Variants in SH3GL2 observed in about 807,000 individuals in gnomAD.
SH3GL2 encodes SH3 domain containing GRB2 like 2, endophilin A1, also known as endophilin-A1.
In SH3GL2, 24 loss-of-function variants were observed where a neutral mutation model predicts 46.0. The ratio of observed to expected loss-of-function variants is 0.52; its 90% CI spans 0.38 to 0.73. SH3GL2 has a LOEUF of 0.73. Ranked by LOEUF, SH3GL2 falls within the 30% of genes least tolerant of loss-of-function variation. The pLI, the probability that SH3GL2 is intolerant of heterozygous loss-of-function variation, is 0.00. For missense variants in SH3GL2, 413 were observed against 424.2 expected (o/e 0.97, Z 0.23); for synonymous variants, 196 against 147.1 (o/e 1.33, Z -2.40).
Position 17,790,408 on chromosome 9 carries a change from G to T in SH3GL2, c.625-823G>T, listed in dbSNP as rs138303406. On this transcript the variant is annotated intron_variant, in intron 6 of 8. Transcript: ENST00000380607. ...CACATTGCCTACTTGCCTTACTCCT[G>T]ACTGTGGCAGGGGAAGTGTGTTGAA... 5.1e-6 allele frequency: 5 copies of T among 984,062 alleles called. No individual in the cohort carries two copies. The East Asian group carries it at 5.7e-4, about 112-fold the overall frequency. 61.0% of individuals were successfully genotyped at this position (984,062 alleles called of 1,614,324 possible). A position where few individuals can be genotyped will look rare whatever the true frequency, so the allele number is the denominator to read the frequency against.
At chr9:17,723,957 G>A (rs892963033) in intron 1 of SH3GL2, among the ~76,000 whole-genome samples, 8 of 152,064 alleles carry the variant, frequency 5.3e-5, no homozygotes, top group Non-Finnish European at 8.8e-5. Context: ...GAAGTGTCTG[G>A]TGTGGTTCTC....
At chr9:17,654,132 C>T (rs1820016156) in intron 1 of SH3GL2, among the ~76,000 whole-genome samples, 1 of 152,096 alleles carries the variant, frequency 6.6e-6, no homozygotes, top group South Asian at 2.1e-4. Flanking sequence ...AATCTGGAGT[C>T]AGATGATCAT....
At chr9:17,636,364 A>G (rs1254786617) in intron 1 of SH3GL2, among the ~76,000 whole-genome samples, 1 of 152,164 alleles carries the variant, frequency 6.6e-6, no homozygotes, top group Non-Finnish European at 1.5e-5. Context: ...CATTTATCCC[A>G]CACCCAAAAC....
intron 5 of SH3GL2, among the ~76,000 whole-genome samples, chr9:17,788,401 G>C (rs1363963898): frequency 2.0e-5 from 3 of 151,994 alleles, no homozygotes; most frequent in Non-Finnish European, 4.4e-5. Context: ...TGCAGTGTGA[G>C]GGAAGGTTTA....
At chr9:17,793,663 G>A (rs9406735) in intron 8 of SH3GL2, among the ~76,000 whole-genome samples, 166 bp downstream of exon 8, 2,970 of 152,272 alleles carry the variant, frequency 0.02, 92 homozygotes, top group African/African-American at 0.068. Flanking sequence ...GAATCCTTTT[G>A]TCTTTTTTTC....
chr9:17,779,368 C>T (rs9407868), intron 3 of SH3GL2, among the ~76,000 whole-genome samples: 17,719 of 152,096 alleles, frequency 0.12, 1,146 homozygotes, highest in Admixed American at 0.15. Flanking sequence ...GGAAATTTGA[C>T]GGAATGGGAA....
chr9:17,698,991 C>G (rs967724833), intron 1 of SH3GL2, among the ~76,000 whole-genome samples: 2 of 151,750 alleles, frequency 1.3e-5, no homozygotes, highest in African/African-American at 4.8e-5. Context: ...CCCGTCTCTA[C>G]TAAAATACAA....
chr9:17,639,709 GGCAGTGCTATTCATAATAGTCTTAAA>G (rs1819629471), intron 1 of SH3GL2, among the ~76,000 whole-genome samples: 1 of 152,148 alleles, frequency 6.6e-6, no homozygotes, highest in Non-Finnish European at 1.5e-5. Context: ...GAATATTCAT[GGCAGTGCTATTCATAATAGTCTTAAA>G]AACTGGACGC....
chr9:17,785,613 C>G (rs996197518), intron 3 of SH3GL2, among the ~76,000 whole-genome samples: 6 of 152,108 alleles, frequency 3.9e-5, no homozygotes, highest in African/African-American at 9.7e-5. Context: ...GGTATCCTAG[C>G]ATCAATTAAG....
chr9:17,751,841 G>C (rs1822856995), intron 2 of SH3GL2, among the ~76,000 whole-genome samples: 1 of 151,626 alleles, frequency 6.6e-6, no homozygotes, highest in African/African-American at 2.4e-5. Context: ...GTGGAGCATT[G>C]TGCTAAGACA....
chr9:17,609,279 T>G (rs2134577442), intron 1 of SH3GL2, among the ~76,000 whole-genome samples: 1 of 146,762 alleles, frequency 6.8e-6, no homozygotes, highest in South Asian at 2.1e-4. Context: ...GTAGTCAGAG[T>G]TTTTTTTTTT....
At chr9:17,609,400 C>G (rs1223959302) in intron 1 of SH3GL2, among the ~76,000 whole-genome samples, 1 of 151,928 alleles carries the variant, frequency 6.6e-6, no homozygotes, top group African/African-American at 2.4e-5. Context: ...ACCCATAAAA[C>G]TCTGAAAAGT....
intron 1 of SH3GL2, among the ~76,000 whole-genome samples, chr9:17,627,165 A>C (rs1819301259): frequency 6.6e-6 from 1 of 152,202 alleles, no homozygotes; most frequent in Admixed American, 6.5e-5. Flanking sequence ...CAATACACTC[A>C]AGGAATAAAA....
chr9:17,660,363 T>G (rs2117879731), intron 1 of SH3GL2, among the ~76,000 whole-genome samples: 1 of 152,296 alleles, frequency 6.6e-6, no homozygotes, highest in East Asian at 1.9e-4. Flanking sequence ...TGTTCTCCAG[T>G]TTTCCACAGA....
intron 1 of SH3GL2, among the ~76,000 whole-genome samples, chr9:17,731,052 C>A (rs980676545): frequency 6.6e-6 from 1 of 152,108 alleles, no homozygotes; most frequent in Non-Finnish European, 1.5e-5. Flanking sequence ...GCGACAGTCA[C>A]GATTCTGTGG....
At position 17,747,153 on chromosome 9, in the gene SH3GL2, C is replaced by T. The variant is rs1390345715; in HGVS notation, c.114+19C>T. On this transcript the variant is annotated intron_variant, in intron 2 of 8. Transcript: ENST00000380607. ...GGAAAGGGTAAGCCTTCACTACTGCCTAGTGTTCCCTTTGACATAAACATG... is the reference window on the plus strand; with the variant it reads ...GGAAAGGGTAAGCCTTCACTACTGCTTAGTGTTCCCTTTGACATAAACATG... The T allele has an allele frequency of 6.6e-7, 1 of 1,517,188 alleles. No homozygotes were observed. Among genetic ancestry groups the T allele is most frequent in the African/African-American group, 1.4e-5 (1 of 72,592 alleles). The allele number at this position is 1,517,188 out of a possible 1,614,324, so 94.0% of individuals were successfully genotyped here.
rs144576868 is a variant in SH3GL2 at position 17,786,605 on chromosome 9, C to T, written c.331+81C>T. The T allele has an allele frequency of 8.1e-5, 115 of 1,417,636 alleles. 1 individual carries two copies. The East Asian group carries it at 1.7e-3, about 21-fold the overall frequency. 87.8% of individuals were successfully genotyped at this position (1,417,636 alleles called of 1,614,324 possible). On this transcript the variant is annotated intron_variant, in intron 4 of 8. Transcript: ENST00000380607. ...GCTGGTAAGAAATTCTGTAGGGAAT[C>T]GGTCAAATCATTTTATATTTTGGTT...
chr9:17,662,956 G>A (rs1165672017), intron 1 of SH3GL2, among the ~76,000 whole-genome samples: 1 of 152,022 alleles, frequency 6.6e-6, no homozygotes, highest in East Asian at 1.9e-4. Flanking sequence ...TGATCTGCCC[G>A]CCTCCCAAAG....
At chr9:17,614,295 GAAAAAAAAAAAAA>G (rs3084628) in intron 1 of SH3GL2, among the ~76,000 whole-genome samples, 2 of 70,302 alleles carry the variant, frequency 2.8e-5, no homozygotes, top group Non-Finnish European at 5.0e-5. Context: ...CATGGTTTCT[GAAAAAAAAAAAAA>G]AAAAAAAAAA....
Sources: allele counts gnomAD v4.1 joint callset (sites outside exome capture counted in the v4.1 genomes callset), GRCh38; gene constraint gnomAD v4.1.1; transcripts MANE v1.5; gene names NCBI Gene and HGNC (gene_info 2026-07-23, HGNC 2026-07-21).